Variants in SPINK6 observed in about 807,000 individuals in gnomAD.
SPINK6 encodes serine peptidase inhibitor Kazal type 6.
Under a neutral mutation model 11.7 loss-of-function variants are expected in SPINK6, and 13 were observed. The observed-to-expected ratio is 1.11, with a 90% CI of 0.72 to 1.76. SPINK6 has a LOEUF of 1.76. SPINK6 is among the 40% of genes most tolerant of loss of function. The probability of loss-of-function intolerance (pLI) is 0.00; values close to 1 mark genes in which losing one functional copy is unlikely to be tolerated. For missense variants in SPINK6, 98 were observed against 93.7 expected (o/e 1.05, Z -0.19); for synonymous variants, 21 against 31.9 (o/e 0.66, Z 1.15).
At position 148,212,574 on chromosome 5, in the gene SPINK6, A is replaced by G. The variant is rs1341519050; in HGVS notation, c.82-1336A>G. Among the ~76,000 whole-genome samples the G allele has an allele frequency of 5.6e-5, 6 of 106,668 alleles. No homozygotes were observed. In the South Asian group the frequency reaches 9.6e-4, roughly 17 times the overall value. The allele number at this position is 106,668 out of a possible 152,430, so 70.0% of individuals were successfully genotyped here. ...TATATATTTATATAATATATATTAT[A>G]TATTATATAAATATATTTTATATAA... On this transcript the variant is annotated intron_variant, in intron 2 of 3. Coordinates refer to ENST00000325630, the MANE Select transcript of SPINK6 (RefSeq NM_205841.4).
At chr5:148,212,494 A>ATAAAGTATATATTT (rs1327499116) in intron 2 of SPINK6, among the ~76,000 whole-genome samples, 2 of 130,272 alleles carry the variant, frequency 1.5e-5, no homozygotes, top group Non-Finnish European at 3.1e-5. Flanking sequence ...ATATATATAT[A>ATAAAGTATATATTT]TATAAAGTAT....
intron 1 of SPINK6, among the ~76,000 whole-genome samples, chr5:148,204,139 TAA>T (rs35021075): frequency 2.0e-5 from 3 of 150,330 alleles, no homozygotes; most frequent in African/African-American, 4.9e-5. Flanking sequence ...GATGTACAAG[TAA>T]AAAAAAAATC....
At chr5:148,208,455 C>T (rs1755528094) in intron 2 of SPINK6, among the ~76,000 whole-genome samples, 1 of 152,202 alleles carries the variant, frequency 6.6e-6, no homozygotes, top group African/African-American at 2.4e-5. Context: ...AGTAAGATTT[C>T]CTCCAACACT....
chr5:148,209,997 C>CACGCACGTGT (rs1561732192), intron 2 of SPINK6, among the ~76,000 whole-genome samples: 1 of 145,892 alleles, frequency 6.9e-6, no homozygotes, highest in African/African-American at 2.5e-5. Context: ...TACATATACA[C>CACGCACGTGT]GTATGTATAC....
rs1401890983 is a variant in SPINK6, at chr5:148,210,134, C to A, written c.82-3776C>A. ...TATGTATGTATGTTTACATTTATTTCTGCATACATATGTATGTATTTCTGC... is the reference window on the plus strand; with the variant it reads ...TATGTATGTATGTTTACATTTATTTATGCATACATATGTATGTATTTCTGC... On this transcript the variant is annotated intron_variant, in intron 2 of 3. Transcript: ENST00000325630. Among the ~76,000 whole-genome samples, 4 of 147,200 alleles carry A rather than the reference C, an allele frequency of 2.7e-5. 1 individual carries two copies. The highest frequency in any genetic ancestry group is 7.5e-5 in the African/African-American group (3 of 39,992).
At position 148,215,037 on chromosome 5, in the gene SPINK6, T is replaced by A; in HGVS notation, c.*87T>A. 7.5e-7 allele frequency: 1 copy of A among 1,335,864 alleles called. No individual in the cohort carries two copies. The highest frequency in any genetic ancestry group is 1.1e-6 in the Non-Finnish European group (1 of 932,538). 82.8% of individuals were successfully genotyped at this position (1,335,864 alleles called of 1,614,324 possible). A position where few individuals can be genotyped will look rare whatever the true frequency, so the allele number is the denominator to read the frequency against. On this transcript the variant is annotated 3_prime_UTR_variant, in exon 4 of 4. Coordinates refer to ENST00000325630, the MANE Select transcript of SPINK6 (RefSeq NM_205841.4). ...TTATACTTTTGCTGGTGGATTCCTT[T>A]AATTCATAAAGACATACCTACTCTG...
At position 148,213,238 on chromosome 5, in the gene SPINK6, G is replaced by A. The variant is rs114335658; in HGVS notation, c.82-672G>A. 9.5e-3 allele frequency among the ~76,000 whole-genome samples: 1,446 copies of A among 151,642 alleles called. 29 individuals are homozygous for A. The highest frequency in any genetic ancestry group is 0.033 in the African/African-American group (1,375 of 41,332). The stretch of plus-strand genomic sequence containing the variant: ...TTTGTTTTTGTTTTTGTTTGACGGC[G>A]TCTCAGTCTGTCGCCCAGGCTGGAG... On this transcript the variant is annotated intron_variant, in intron 2 of 3. Coordinates refer to ENST00000325630, the MANE Select transcript of SPINK6 (RefSeq NM_205841.4).
At chr5:148,209,301 A>G (rs1755538718) in intron 2 of SPINK6, among the ~76,000 whole-genome samples, 1 of 152,186 alleles carries the variant, frequency 6.6e-6, no homozygotes. Flanking sequence ...TGCAAAGTCA[A>G]CACTTCAAGA....
intron 2 of SPINK6, among the ~76,000 whole-genome samples, chr5:148,206,651 T>G (rs1011953669): frequency 3.3e-5 from 5 of 152,238 alleles, no homozygotes; most frequent in Admixed American, 6.5e-5. Context: ...GTTTAAAAAC[T>G]GGAATGAGCA....
rs1234279920 is a variant in SPINK6, at chr5:148,210,294, A to G, written c.82-3616A>G. Among the ~76,000 whole-genome samples, 7 of 8,118 alleles carry G rather than the reference A, an allele frequency of 8.6e-4. 1 individual carries two copies. The highest frequency in any genetic ancestry group is 4.8e-3 in the Admixed American group (3 of 630). 5.3% of individuals were successfully genotyped at this position (8,118 alleles called of 152,430 possible). On this transcript the variant is annotated intron_variant, in intron 2 of 3. Transcript: ENST00000325630. ...TGTGTTTCTGCATACATATATATGT[A>G]TGTTTCTGCATACATATATATGTAT... is the stretch of plus-strand genomic sequence containing the variant.
In SPINK6 at chr5:148,211,376, T is replaced by C. The variant is rs188309432; in HGVS notation, c.82-2534T>C. 2.1e-3 allele frequency among the ~76,000 whole-genome samples: 318 copies of C among 152,324 alleles called. 1 individual carries two copies. Among genetic ancestry groups the C allele is most frequent in the African/African-American group, 7.3e-3 (304 of 41,582 alleles). Reference sequence around the variant, plus strand: ...AGTCCCAGGATACCATTTAATCTCATGGTGTTGATGATTTTCTATGAGTTA... The same window carrying C: ...AGTCCCAGGATACCATTTAATCTCACGGTGTTGATGATTTTCTATGAGTTA... On this transcript the variant is annotated intron_variant, in intron 2 of 3. Transcript: ENST00000325630.
At chr5:148,212,089 T>C (rs1440497280) in intron 2 of SPINK6, among the ~76,000 whole-genome samples, 6 of 151,298 alleles carry the variant, frequency 4.0e-5, no homozygotes, top group African/African-American at 1.2e-4. Flanking sequence ...AATATGGACT[T>C]GACATTGTGT....
intron 3 of SPINK6, among the ~76,000 whole-genome samples, chr5:148,214,539 C>T (rs1755657124): frequency 6.6e-6 from 1 of 152,076 alleles, no homozygotes; most frequent in African/African-American, 2.4e-5. Context: ...ATGTCAAACG[C>T]CTGAATATCT....
chr5:148,210,246 A>G (rs138777005), intron 2 of SPINK6, among the ~76,000 whole-genome samples: 1,329 of 125,200 alleles, frequency 0.011, 102 homozygotes, highest in African/African-American at 0.038. Flanking sequence ...ATACGTATGT[A>G]TTTCTGCATA....
At position 148,207,066 on chromosome 5, in the gene SPINK6, G is replaced by A. The variant is rs545268292; in HGVS notation, c.81+1008G>A. Among the ~76,000 whole-genome samples, 6 of 151,824 alleles carry A rather than the reference G, an allele frequency of 4.0e-5. No homozygotes were observed. The East Asian group carries it at 1.2e-3, about 30-fold the overall frequency. On this transcript the variant is annotated intron_variant, in intron 2 of 3. Transcript: ENST00000325630. The stretch of plus-strand genomic sequence containing the variant: ...GTGTACATGCATGTGCACTTTAGGT[G>A]TATGTCTAACACATGCACACATGTG...
chr5:148,213,858 G>T, intron 2 of SPINK6, 52 bp from the exon 3 acceptor site: 7 of 909,858 alleles, frequency 7.7e-6, no homozygotes, highest in Non-Finnish European at 1.3e-5. Context: ...TGTTCTGAAG[G>T]ATGGTCTCTT....
chr5:148,210,126 A>G (rs1209184479), intron 2 of SPINK6, among the ~76,000 whole-genome samples: 1 of 150,006 alleles, frequency 6.7e-6, no homozygotes, highest in African/African-American at 2.4e-5. Context: ...GTATGTTTAC[A>G]TTTATTTCTG....
At position 148,213,952 on chromosome 5, in the gene SPINK6, C is replaced by T. The variant is rs756589379; in HGVS notation, c.124C>T (p.Arg42Trp). ...CCAGGACCCCAAGGTCTACTGCACT[C>T]GGGAATCTAACCCACACTGTGGCTC... ...EFQDPKVYCT[R>W]ESNPHCGSDG... The change falls in exon 3 of 4, where the codon CGG (arginine) becomes TGG (tryptophan). Residue 42 changes from arginine (R) to tryptophan (W), a missense_variant. By Grantham distance (101) the Arg-to-Trp change is moderately radical. Transcript: ENST00000325630. The T allele has an allele frequency of 2.2e-5, 35 of 1,613,460 alleles. No homozygotes were observed. Among genetic ancestry groups the T allele is most frequent in the Admixed American group, 1.8e-4 (11 of 59,980 alleles).
intron 2 of SPINK6, among the ~76,000 whole-genome samples, chr5:148,212,488 A>ATATGTATAAAGTATATATTT: frequency 1.1e-5 from 1 of 87,954 alleles, no homozygotes; most frequent in East Asian, 3.0e-4. Context: ...TTTTATATAT[A>ATATGTATAAAGTATATATTT]TATATATATA....
Sources: gnomAD v4.1 joint callset for allele counts (sites outside exome capture counted in the v4.1 genomes callset) on GRCh38, gnomAD v4.1.1 for gene constraint, MANE v1.5 for transcripts, NCBI Gene and HGNC (gene_info 2026-07-23, HGNC 2026-07-21) for gene names.